Variants in PLEKHB1 observed in about 807,000 individuals in gnomAD.
The protein encoded by PLEKHB1 is pleckstrin homology domain-containing family B member 1.
PLEKHB1 carries 29 observed loss-of-function variants against 36.2 expected under a neutral mutation model. The ratio of observed to expected loss-of-function variants is 0.80; its 90% confidence interval spans 0.60 to 1.09. The LOEUF (loss-of-function observed/expected upper bound fraction) is 1.09. PLEKHB1 is among the 50% of genes least tolerant of loss of function. The pLI, the probability that PLEKHB1 is intolerant of heterozygous loss-of-function variation, is 0.00. For synonymous variants in PLEKHB1, 138 were observed against 140.0 expected, an observed-to-expected ratio of 0.99 and a Z score of 0.10; for missense variants, 330 against 348.2, an observed-to-expected ratio of 0.95 and a Z score of 0.42.
At chr11:73,655,228 T>G (rs1409937185) in intron 5 of PLEKHB1, among the ~76,000 whole-genome samples, 1 of 152,208 alleles carries the variant, frequency 6.6e-6, no homozygotes, top group Non-Finnish European at 1.5e-5. Context: ...ACTCCACATA[T>G]ACACGTCCTT....
chr11:73,652,034 A>G (rs886646610), intron 4 of PLEKHB1, 144 bp downstream of exon 4: 15 of 696,302 alleles, frequency 2.2e-5, no homozygotes, highest in African/African-American at 1.6e-4. Context: ...AGGCGGGTGG[A>G]GTGGATTTGA....
intron 1 of PLEKHB1, among the ~76,000 whole-genome samples, chr11:73,647,056 C>T (rs577427496): frequency 7.2e-5 from 11 of 152,158 alleles, no homozygotes; most frequent in South Asian, 2.1e-4. Flanking sequence ...GCCCTCCCCA[C>T]CCCTGCGCTT....
chr11:73,657,100 C>T (rs570396847), intron 6 of PLEKHB1, among the ~76,000 whole-genome samples: 101 of 152,170 alleles, frequency 6.6e-4, no homozygotes, highest in African/African-American at 2.4e-3. Flanking sequence ...CCAAGATCAC[C>T]CCACTGCACT....
intron 4 of PLEKHB1, 32 bp from the exon 5 acceptor site, chr11:73,652,943 C>G (rs371425535): frequency 6.3e-7 from 1 of 1,590,350 alleles, no homozygotes; most frequent in Non-Finnish European, 8.6e-7. Context: ...CCCAAACTCC[C>G]TCCTCATGGT....
rs540430326 is a variant in PLEKHB1 at position 73,654,519 on chromosome 11, C to T, written c.391-1284C>T. Among the ~76,000 whole-genome samples, 4 of 152,278 alleles carry T rather than the reference C, an allele frequency of 2.6e-5. No individual in the cohort carries two copies. In the East Asian group the frequency reaches 7.7e-4, roughly 29 times the overall value. On this transcript the variant is annotated intron_variant, in intron 5 of 7. Coordinates refer to ENST00000354190, the MANE Select transcript of PLEKHB1 (RefSeq NM_021200.3). ...TGGGTGGGGGTTGGTATTATTAGTC[C>T]CATTTTACAGATAAGGAAGCCGAGG...
intron 5 of PLEKHB1, among the ~76,000 whole-genome samples, chr11:73,655,135 C>T (rs1174869413): frequency 2.6e-5 from 4 of 152,274 alleles, no homozygotes; most frequent in South Asian, 2.1e-4. Context: ...CTCTATGAAG[C>T]GGCCTCGTCC....
chr11:73,657,411 A>C (rs923469244), intron 6 of PLEKHB1, among the ~76,000 whole-genome samples: 2 of 152,234 alleles, frequency 1.3e-5, no homozygotes, highest in Non-Finnish European at 2.9e-5. Flanking sequence ...TGTAAACCTA[A>C]TAACACAACA....
intron 6 of PLEKHB1, chr11:73,660,290 G>A (rs79092340): frequency 0.016 from 2,690 of 168,106 alleles, 79 homozygotes; most frequent in African/African-American, 0.06. Flanking sequence ...TTTAAAAGAC[G>A]CATAACTGTA....
intron 1 of PLEKHB1, chr11:73,647,729 T>C (rs1429453944): frequency 2.0e-6 from 2 of 985,326 alleles, no homozygotes. Context: ...CCGCAACAAG[T>C]GTAGACAAGG....
At chr11:73,651,632 G>C in intron 3 of PLEKHB1, 156 bp from the exon 4 acceptor site, 2 of 674,550 alleles carry the variant, frequency 3.0e-6, no homozygotes, top group Non-Finnish European at 5.3e-6. Context: ...TGGAAACGTA[G>C]AGTGGAATCC....
At chr11:73,647,691 C>A in intron 1 of PLEKHB1, 2 of 985,446 alleles carry the variant, frequency 2.0e-6, no homozygotes, top group Non-Finnish European at 2.4e-6. Flanking sequence ...GCAGCAGCAT[C>A]GAGTAGCGGC....
rs565294189 is a variant in PLEKHB1, at chr11:73,651,926, C to T, written c.350+36C>T. ...CCCAGGAGAGGATGGGGTGGAATCT[C>T]GGGGAAAGTTACCATGTGCCCCCTT... On this transcript the variant is annotated intron_variant, in intron 4 of 7. Coordinates refer to ENST00000354190, the MANE Select transcript of PLEKHB1 (RefSeq NM_021200.3). The T allele has an allele frequency of 2.0e-4, 318 of 1,586,166 alleles. 3 individuals carry two copies. In the South Asian group the frequency reaches 3.2e-3, roughly 16 times the overall value.
chr11:73,657,529 A>G (rs904822158), intron 6 of PLEKHB1, among the ~76,000 whole-genome samples: 1 of 152,184 alleles, frequency 6.6e-6, no homozygotes, highest in Non-Finnish European at 1.5e-5. Context: ...TCAAACCCTC[A>G]GGTTCTGCCC....
rs1945152062 is a variant in PLEKHB1 at position 73,662,727 on chromosome 11, A to T, written c.*1125A>T. The T allele has an allele frequency of 6.6e-6, 1 of 152,198 alleles. No individual in the cohort carries two copies. Among genetic ancestry groups the T allele is most frequent in the African/African-American group, 2.4e-5 (1 of 41,432 alleles). The allele number at this position is 152,198 out of a possible 1,614,324, so 9.4% of individuals were successfully genotyped here. A position where few individuals can be genotyped will look rare whatever the true frequency, so the allele number is the denominator to read the frequency against. ...AGAAATGCTAACATCCCTGCCTGGT[A>T]GCCAGACTAGCCCACTAAAGCTCCC... On this transcript the variant is annotated 3_prime_UTR_variant, in exon 8 of 8. Coordinates refer to ENST00000354190, the MANE Select transcript of PLEKHB1 (RefSeq NM_021200.3).
Position 73,652,883 on chromosome 11 carries a change from G to A in PLEKHB1, c.351-92G>A, listed in dbSNP as rs79873646. The A allele has an allele frequency of 2.5e-3, 2,800 of 1,116,930 alleles. 40 individuals are homozygous for A. In the East Asian group the frequency reaches 0.036, roughly 14 times the overall value. The allele number at this position is 1,116,930 out of a possible 1,614,324, so 69.2% of individuals were successfully genotyped here. ...CCTTTCATGAGAGACTTGGGCTTGA[G>A]GCTGGGTTGGAGAGGAAAGTCTAAA... On this transcript the variant is annotated intron_variant, in intron 4 of 7. Transcript: ENST00000354190.
Position 73,661,887 on chromosome 11 carries a change from G to A in PLEKHB1, c.*285G>A, listed in dbSNP as rs1945132848. ...ATACATTTCCTCTAAACACAACAGG[G>A]CACAGCAAATACGACTTCATTTGGC... On this transcript the variant is annotated 3_prime_UTR_variant, in exon 8 of 8. Transcript: ENST00000354190. This position sits in a 1 kb window ranked among gnomAD's most constrained non-coding sequence, Gnocchi z 4.6. 5.1e-6 allele frequency: 2 copies of A among 392,070 alleles called. No homozygotes were observed. Among genetic ancestry groups the A allele is most frequent in the Admixed American group, 4.1e-5 (1 of 24,348 alleles). The allele number at this position is 392,070 out of a possible 1,614,324, so 24.3% of individuals were successfully genotyped here.
intron 5 of PLEKHB1, among the ~76,000 whole-genome samples, chr11:73,654,886 A>G (rs1454201884): frequency 1.3e-5 from 2 of 152,266 alleles, no homozygotes; most frequent in South Asian, 4.1e-4. Context: ...GGGAGCAATA[A>G]AGGGCATTCA....
In PLEKHB1 at chr11:73,655,861, G is replaced by T; in HGVS notation, c.449G>T (p.Cys150Phe). 6.2e-7 allele frequency: 1 copy of T among 1,613,812 alleles called. No individual in the cohort carries two copies. Among genetic ancestry groups the T allele is most frequent in the South Asian group, 1.1e-5 (1 of 91,086 alleles). Residue 150 changes from cysteine to phenylalanine, a missense_variant, in exon 6 of 8, where the codon TGT becomes TTT. Physicochemically the swap from Cys to Phe is radical, Grantham distance 205. Coordinates refer to ENST00000354190, the MANE Select transcript of PLEKHB1 (RefSeq NM_021200.3). ...CGCCGGGTTTGCTCCAAGGTCAGGT[G>T]TGTGACCCGCTCGTGGAGCCCCTGT... is the stretch of plus-strand genomic sequence containing the variant. ...RSRRVCSKVR[C>F]VTRSWSPCKV...
intron 4 of PLEKHB1, chr11:73,652,352 G>A (rs1346935423): frequency 5.1e-5 from 9 of 175,770 alleles, no homozygotes; most frequent in Admixed American, 3.5e-4. Flanking sequence ...GCATATCCAC[G>A]TGGCCAGCCT....
Sources: gnomAD v4.1 joint callset for allele counts (sites outside exome capture counted in the v4.1 genomes callset) on GRCh38, gnomAD v4.1.1 for gene constraint, Gnocchi (gnomAD v3.1) non-coding constraint, MANE v1.5 for transcripts, NCBI Gene and HGNC (gene_info 2026-07-23, HGNC 2026-07-21) for gene names.